The following OR4K2 variants were observed in gnomAD, a reference collection of about 807,000 sequenced individuals.
OR4K2 encodes olfactory receptor family 4 subfamily K member 2.
OR4K2 carries 8 observed loss-of-function variants against 10.5 expected under a neutral mutation model. The ratio of observed to expected loss-of-function variants is 0.76; its 90% CI spans 0.45 to 1.37. The LOEUF (loss-of-function observed/expected upper bound fraction) is 1.37. OR4K2 is among the 40% of genes most tolerant of loss of function. The probability of loss-of-function intolerance (pLI) is 0.00; values close to 1 mark genes in which losing one functional copy is unlikely to be tolerated. For missense variants in OR4K2, 547 were observed against 379.5 expected (o/e 1.44, Z -3.67); for synonymous variants, 178 against 133.6 (o/e 1.33, Z -2.29).
At position 19,882,334 on chromosome 14, in the gene OR4K2, T is replaced by A. The variant is rs1013996015; in HGVS notation, c.*5122T>A. ...TCTATTTTGCACAGAGAAACTTGGC[T>A]TCAAAAATCAATTTGTAGATTTCAA... is the stretch of plus-strand genomic sequence containing the variant. On this transcript the variant is annotated 3_prime_UTR_variant, in exon 2 of 2. Transcript: ENST00000641885. The A allele has an allele frequency of 2.0e-5, 3 of 150,168 alleles. No individual in the cohort carries two copies. The highest frequency in any genetic ancestry group is 4.4e-5 in the Non-Finnish European group (3 of 68,026). 9.3% of individuals were successfully genotyped at this position (150,168 alleles called of 1,614,324 possible).
rs114330489 is a variant in OR4K2 at position 19,877,419 on chromosome 14, G to T, written c.*207G>T. On this transcript the variant is annotated 3_prime_UTR_variant, in exon 2 of 2. Transcript: ENST00000641885. Reference sequence around the variant, plus strand: ...AATAAAGACTATAAAAATGTCAGGAGTGACAGTTCCAGTTAGGACATTCAA... The same window carrying T: ...AATAAAGACTATAAAAATGTCAGGATTGACAGTTCCAGTTAGGACATTCAA... 3,963 of 472,138 alleles carry T rather than the reference G, an allele frequency of 8.4e-3. No homozygotes were observed. The highest frequency in any genetic ancestry group is 0.026 in the South Asian group (954 of 37,328). 29.2% of individuals were successfully genotyped at this position (472,138 alleles called of 1,614,324 possible).
Position 19,876,900 on chromosome 14 carries a change from T to C in OR4K2, c.633T>C (p.Phe211=). Residue 211 remains phenylalanine (F), a synonymous_variant, in exon 2 of 2, where the codon TTT becomes TTC. Transcript: ENST00000641885. ...GTGGCATAATTGCGTTGTCCTGTTT[T>C]ATTGTTTTATTTAATTCATATGTTA... The part of the protein sequence containing the change: ...STSGIIALSC[F]IVLFNSYVIV... 2 of 1,614,220 alleles carry C rather than the reference T, an allele frequency of 1.2e-6. No individual in the cohort carries two copies. The highest frequency in any genetic ancestry group is 1.1e-5 in the South Asian group (1 of 91,088).
At position 19,876,231 on chromosome 14, in the gene OR4K2, T is replaced by A; in HGVS notation, c.-23-14T>A. ...TGACTTTCCTTTTTTTTTTTTTTTT[T>A]TTTCGTGATACAGGCTTCTGCCTAT... On this transcript the variant is annotated splice_polypyrimidine_tract_variant and intron_variant, in intron 1 of 1. Coordinates refer to ENST00000641885, the MANE Select transcript of OR4K2 (RefSeq NM_001005501.2). 1 of 1,139,316 alleles carries A rather than the reference T, an allele frequency of 8.8e-7. No homozygotes were observed. The highest frequency in any genetic ancestry group is 1.2e-6 in the Non-Finnish European group (1 of 842,574). The allele number at this position is 1,139,316 out of a possible 1,614,324, so 70.6% of individuals were successfully genotyped here. A position where few individuals can be genotyped will look rare whatever the true frequency, so the allele number is the denominator to read the frequency against.
rs1023077680 is a variant in OR4K2, at chr14:19,881,270, C to T, written c.*4058C>T. On this transcript the variant is annotated 3_prime_UTR_variant, in exon 2 of 2. Coordinates refer to ENST00000641885, the MANE Select transcript of OR4K2 (RefSeq NM_001005501.2). ...TCAGATGCCAATGAAATCCGCTAAGCAACTTGATAGTTTTTTGGTTTATAA... is the reference window on the plus strand; with the variant it reads ...TCAGATGCCAATGAAATCCGCTAAGTAACTTGATAGTTTTTTGGTTTATAA... 6.6e-6 allele frequency: 1 copy of T among 152,256 alleles called. No homozygotes were observed. Among genetic ancestry groups the T allele is most frequent in the Admixed American group, 6.5e-5 (1 of 15,288 alleles). The allele number at this position is 152,256 out of a possible 1,614,324, so 9.4% of individuals were successfully genotyped here. A position where few individuals can be genotyped will look rare whatever the true frequency, so the allele number is the denominator to read the frequency against.
Position 19,877,076 on chromosome 14 carries a change from TTCTG to T in OR4K2, c.815_818del (p.Ser272CysfsTer10), listed in dbSNP as rs774566781. 3.0e-5 allele frequency: 49 copies of T among 1,611,498 alleles called. No homozygotes were observed. The highest frequency in any genetic ancestry group is 4.0e-5 in the Non-Finnish European group (47 of 1,179,916). On this transcript the variant is annotated frameshift_variant, in exon 2 of 2. Coordinates refer to ENST00000641885, the MANE Select transcript of OR4K2 (RefSeq NM_001005501.2). LOFTEE classifies it high-confidence loss of function. The stretch of plus-strand genomic sequence containing the variant: ...CTAAGCAGCTTTCTCACAGACAAGA[TTCTG>T]TCTGTGTTTTATACCATCTTTACTC...
At position 19,876,068 on chromosome 14, in the gene OR4K2, C is replaced by A; in HGVS notation, c.-90C>A. 1 of 557,032 alleles carries A rather than the reference C, an allele frequency of 1.8e-6. No individual in the cohort carries two copies. Among genetic ancestry groups the A allele is most frequent in the African/African-American group, 1.9e-5 (1 of 51,496 alleles). The allele number at this position is 557,032 out of a possible 1,614,324, so 34.5% of individuals were successfully genotyped here. On this transcript the variant is annotated 5_prime_UTR_variant, in exon 1 of 2. Transcript: ENST00000641885. ...GATTTAAGGAACATTTTGCTATAAG[C>A]TCTAATATTTCATAATTTCCATTCA...
In OR4K2 at chr14:19,876,483, T is replaced by G. The variant is rs200231235; in HGVS notation, c.216T>G (p.Ser72=). The change falls in exon 2 of 2, where the codon TCT becomes TCG. Residue 72 remains serine (S), a synonymous_variant. Transcript: ENST00000641885. ...LLTNLSIIDM[S]LASFATPKMI... ...CCAATCTTTCAATCATTGATATGTC[T>G]CTTGCTTCTTTCGCCACCCCAAAGA... is the stretch of plus-strand genomic sequence containing the variant. The G allele has an allele frequency of 1.0e-4, 168 of 1,614,170 alleles. No homozygotes were observed. Among genetic ancestry groups the G allele is most frequent in the Middle Eastern group, 6.6e-4 (4 of 6,060 alleles).
In OR4K2 at chr14:19,883,406, A is replaced by G. The variant is rs1291821910; in HGVS notation, c.*6194A>G. The G allele has an allele frequency of 6.6e-6, 1 of 152,264 alleles. No homozygotes were observed. Among genetic ancestry groups the G allele is most frequent in the Non-Finnish European group, 1.5e-5 (1 of 68,056 alleles). The allele number at this position is 152,264 out of a possible 1,614,324, so 9.4% of individuals were successfully genotyped here. A position where few individuals can be genotyped will look rare whatever the true frequency, so the allele number is the denominator to read the frequency against. On this transcript the variant is annotated 3_prime_UTR_variant, in exon 2 of 2. Coordinates refer to ENST00000641885, the MANE Select transcript of OR4K2 (RefSeq NM_001005501.2). ...GCGTGTTGGCAAGTTTCTTTGAAAC[A>G]TTTATGTACTGTAATTTCATTGGCT...
chr14:19,876,410 C>T lies in OR4K2; in HGVS notation c.143C>T (p.Thr48Ile), dbSNP rs530143329. The change falls in exon 2 of 2, where the codon ACA becomes ATA. Residue 48 changes from threonine to isoleucine, a missense_variant. Physicochemically the swap from Thr to Ile is moderately conservative, Grantham distance 89. Transcript: ENST00000641885. ...GTGGGTAACAGCCTCATAGTCATCA[C>T]AGTTATAGTGGACCCTCACCTACAC... The part of the protein sequence containing the change: ...TMVGNSLIVI[T>I]VIVDPHLHSP... The T allele has an allele frequency of 8.7e-6, 14 of 1,614,068 alleles. No homozygotes were observed. The African/African-American group carries it at 1.1e-4, about 12-fold the overall frequency.
Position 19,879,014 on chromosome 14 carries a change from T to G in OR4K2, c.*1802T>G, listed in dbSNP as rs545606715. 7.9e-5 allele frequency: 12 copies of G among 152,386 alleles called. No individual in the cohort carries two copies. Among genetic ancestry groups the G allele is most frequent in the African/African-American group, 2.9e-4 (12 of 41,592 alleles). The allele number at this position is 152,386 out of a possible 1,614,324, so 9.4% of individuals were successfully genotyped here. A position where few individuals can be genotyped will look rare whatever the true frequency, so the allele number is the denominator to read the frequency against. ...ATCTTTTGGAAGAGACGCTATTGAT[T>G]TTCTGTGCTTTTGTGGAGAATTCTA... is the stretch of plus-strand genomic sequence containing the variant. On this transcript the variant is annotated 3_prime_UTR_variant, in exon 2 of 2. Transcript: ENST00000641885.
chr14:19,882,834 T>TTC lies in OR4K2; in HGVS notation c.*5623_*5624insCT, dbSNP rs1245719854. 1.3e-5 allele frequency: 2 copies of TTC among 149,114 alleles called. No individual in the cohort carries two copies. Among genetic ancestry groups the TTC allele is most frequent in the Admixed American group, 6.7e-5 (1 of 14,904 alleles). The allele number at this position is 149,114 out of a possible 1,614,324, so 9.2% of individuals were successfully genotyped here. A position where few individuals can be genotyped will look rare whatever the true frequency, so the allele number is the denominator to read the frequency against. On this transcript the variant is annotated 3_prime_UTR_variant, in exon 2 of 2. Coordinates refer to ENST00000641885, the MANE Select transcript of OR4K2 (RefSeq NM_001005501.2). Reference sequence around the variant, plus strand: ...TTTCTTTTTCTTTTTTTTTTCTTTTTTTTTTTTTTTTGAGACGGAGTCTTG... The same window carrying TTC: ...TTTCTTTTTCTTTTTTTTTTCTTTTTTCTTTTTTTTTTTGAGACGGAGTCTTG...
At position 19,876,953 on chromosome 14, in the gene OR4K2, C is replaced by A; in HGVS notation, c.686C>A (p.Ser229Tyr). ...VIVLVTVKHH[S>Y]SRGSSKALST... ...GTCCTGGTTACTGTGAAGCATCATTCTTCCAGAGGATCATCTAAGGCCCTT... is the reference window on the plus strand; with the variant it reads ...GTCCTGGTTACTGTGAAGCATCATTATTCCAGAGGATCATCTAAGGCCCTT... Residue 229 changes from serine (S) to tyrosine (Y), a missense_variant, in exon 2 of 2, where the codon TCT (serine) becomes TAT (tyrosine). Coordinates refer to ENST00000641885, the MANE Select transcript of OR4K2 (RefSeq NM_001005501.2). The A allele has an allele frequency of 1.2e-6, 2 of 1,614,060 alleles. No homozygotes were observed. The highest frequency in any genetic ancestry group is 1.7e-6 in the Non-Finnish European group (2 of 1,179,968).
chr14:19,878,125 A>G lies in OR4K2; in HGVS notation c.*913A>G, dbSNP rs1210352876. 6.6e-6 allele frequency: 1 copy of G among 152,228 alleles called. No individual in the cohort carries two copies. The highest frequency in any genetic ancestry group is 1.5e-5 in the Non-Finnish European group (1 of 68,028). 9.4% of individuals were successfully genotyped at this position (152,228 alleles called of 1,614,324 possible). A position where few individuals can be genotyped will look rare whatever the true frequency, so the allele number is the denominator to read the frequency against. ...AATCTGCATTTAGTAATACATTGTC[A>G]ATGTAATAAGTATGTTTTTGTACAC... On this transcript the variant is annotated 3_prime_UTR_variant, in exon 2 of 2. Transcript: ENST00000641885.
At position 19,877,093 on chromosome 14, in the gene OR4K2, A is replaced by G. The variant is rs747133851; in HGVS notation, c.826A>G (p.Thr276Ala). The G allele has an allele frequency of 9.9e-6, 16 of 1,609,664 alleles. No individual in the cohort carries two copies. Among genetic ancestry groups the G allele is most frequent in the Non-Finnish European group, 1.3e-5 (15 of 1,179,790 alleles). The change falls in exon 2 of 2, where the codon ACC becomes GCC. Residue 276 changes from threonine to alanine, a missense_variant. Physicochemically the swap from Thr to Ala is moderately conservative, Grantham distance 58. Transcript: ENST00000641885. ...AGACAAGATTCTGTCTGTGTTTTAT[A>G]CCATCTTTACTCCCACTCTGAACCC... Reference protein sequence around the residue: ...LTDKILSVFYTIFTPTLNPII... With the variant: ...LTDKILSVFYAIFTPTLNPII...
rs1880944711 is a variant in OR4K2 at position 19,877,716 on chromosome 14, T to G, written c.*504T>G. 1 of 153,420 alleles carries G rather than the reference T, an allele frequency of 6.5e-6. No individual in the cohort carries two copies. The highest frequency in any genetic ancestry group is 6.5e-5 in the Admixed American group (1 of 15,370). 9.5% of individuals were successfully genotyped at this position (153,420 alleles called of 1,614,324 possible). A position where few individuals can be genotyped will look rare whatever the true frequency, so the allele number is the denominator to read the frequency against. On this transcript the variant is annotated 3_prime_UTR_variant, in exon 2 of 2. Transcript: ENST00000641885. ...AACATTTAAACCAATTTGTGATCTC[T>G]TCTATTAAAGAAAACTCTAGATATA... is the stretch of plus-strand genomic sequence containing the variant.
At position 19,877,355 on chromosome 14, in the gene OR4K2, C is replaced by T. The variant is rs1295665301; in HGVS notation, c.*143C>T. ...CTATTCTCATGAATGTGAATGTGTT[C>T]AAAATACATTTGAAATTTCAGAAAA... On this transcript the variant is annotated 3_prime_UTR_variant, in exon 2 of 2. Transcript: ENST00000641885. 9 of 607,518 alleles carry T rather than the reference C, an allele frequency of 1.5e-5. No homozygotes were observed. The highest frequency in any genetic ancestry group is 2.5e-5 in the Non-Finnish European group (9 of 364,358). 37.6% of individuals were successfully genotyped at this position (607,518 alleles called of 1,614,324 possible).
At position 19,876,909 on chromosome 14, in the gene OR4K2, A is replaced by G; in HGVS notation, c.642A>G (p.Leu214=). The change falls in exon 2 of 2, where the codon TTA becomes TTG. Residue 214 remains leucine (L), a synonymous_variant. Coordinates refer to ENST00000641885, the MANE Select transcript of OR4K2 (RefSeq NM_001005501.2). ...TTGCGTTGTCCTGTTTTATTGTTTT[A>G]TTTAATTCATATGTTATTGTCCTGG... The part of the protein sequence containing the change: ...GIIALSCFIV[L]FNSYVIVLVT... The G allele has an allele frequency of 1.2e-6, 2 of 1,614,114 alleles. No homozygotes were observed. Among genetic ancestry groups the G allele is most frequent in the Non-Finnish European group, 1.7e-6 (2 of 1,179,988 alleles).
Position 19,882,829 on chromosome 14 carries a change from C to CTTTTTTTTTTTTTTTTTTTTT in OR4K2, c.*5633_*5634insTTTTTTTTTTTTTTTTTTTTT, listed in dbSNP as rs369726984. 5 of 123,408 alleles carry CTTTTTTTTTTTTTTTTTTTTT rather than the reference C, an allele frequency of 4.1e-5. No homozygotes were observed. The highest frequency in any genetic ancestry group is 1.2e-4 in the African/African-American group (4 of 32,176). The allele number at this position is 123,408 out of a possible 1,614,324, so 7.6% of individuals were successfully genotyped here. On this transcript the variant is annotated 3_prime_UTR_variant, in exon 2 of 2. Transcript: ENST00000641885. ...TTATCTTTCTTTTTCTTTTTTTTTT[C>CTTTTTTTTTTTTTTTTTTTTT]TTTTTTTTTTTTTTTTGAGACGGAG...
At position 19,879,838 on chromosome 14, in the gene OR4K2, T is replaced by G. The variant is rs1425099257; in HGVS notation, c.*2626T>G. The stretch of plus-strand genomic sequence containing the variant: ...TGTAAAGCTTAGGTTTTATAACTCC[T>G]CCTTTGCATGGATTTCCTCGAAGGC... On this transcript the variant is annotated 3_prime_UTR_variant, in exon 2 of 2. Coordinates refer to ENST00000641885, the MANE Select transcript of OR4K2 (RefSeq NM_001005501.2). The G allele has an allele frequency of 1.3e-5, 2 of 152,276 alleles. No homozygotes were observed. Among genetic ancestry groups the G allele is most frequent in the African/African-American group, 4.8e-5 (2 of 41,476 alleles). 9.4% of individuals were successfully genotyped at this position (152,276 alleles called of 1,614,324 possible).
Sources: gnomAD v4.1 joint callset for allele counts on GRCh38, gnomAD v4.1.1 for gene constraint, MANE v1.5 for transcripts, NCBI Gene and HGNC (gene_info 2026-07-23, HGNC 2026-07-21) for gene names.